Variants in SLC5A2 observed in about 807,000 individuals in gnomAD.
The protein encoded by SLC5A2 is solute carrier family 5 member 2, also known as sodium/glucose cotransporter 2.
Under a neutral mutation model 69.0 loss-of-function variants are expected in SLC5A2, and 67 were observed. The observed-to-expected ratio is 0.97, with a 90% CI of 0.80 to 1.19. The LOEUF is 1.19. SLC5A2 is among the 50% of genes most tolerant of loss of function. The pLI is 0.00. For missense variants in SLC5A2, 1,001 were observed against 921.5 expected (o/e 1.09, Z -1.12); for synonymous variants, 455 against 395.8 (o/e 1.15, Z -1.78).
At chr16:31,484,150 T>C (rs759697358) in intron 1 of SLC5A2, among the ~76,000 whole-genome samples, 3 of 151,674 alleles carry the variant, frequency 2.0e-5, no homozygotes, top group Non-Finnish European at 4.4e-5. Flanking sequence ...TTTGGGAGGC[T>C]GAGGCAGGTG....
rs573988659 is a variant in SLC5A2 at position 31,483,478 on chromosome 16, C to T, written c.126+216C>T. On this transcript the variant is annotated intron_variant, in intron 1 of 13. Coordinates refer to ENST00000330498, the MANE Select transcript of SLC5A2 (RefSeq NM_003041.4). ...GGACTGTGCTAGCTGAAGGGGTCCG[C>T]GGATTTTCATCAGGGTCGACATTCT... Among the ~76,000 whole-genome samples, 153 of 152,282 alleles carry T rather than the reference C, an allele frequency of 1.0e-3. 5 individuals are homozygous for T. Among genetic ancestry groups the T allele is most frequent in the African/African-American group, 1.2e-4 (5 of 41,558 alleles).
chr16:31,486,558 G>A (rs994430683), intron 5 of SLC5A2, among the ~76,000 whole-genome samples: 5 of 152,210 alleles, frequency 3.3e-5, no homozygotes, highest in Admixed American at 6.5e-5. Context: ...ACACCTGGGA[G>A]AGCACACCTG....
Position 31,490,564 on chromosome 16 carries a change from C to A in SLC5A2, c.*29C>A. ...CAACTGCGTTGGACACCATAAGCCA[C>A]AGCCTCACAGGAAGTGGGGGTGAGG... On this transcript the variant is annotated 3_prime_UTR_variant, in exon 14 of 14. Coordinates refer to ENST00000330498, the MANE Select transcript of SLC5A2 (RefSeq NM_003041.4). 6.4e-7 allele frequency: 1 copy of A among 1,558,408 alleles called. No individual in the cohort carries two copies. The highest frequency in any genetic ancestry group is 8.8e-7 in the Non-Finnish European group (1 of 1,138,366).
chr16:31,488,666 T>TCC lies in SLC5A2; in HGVS notation c.1175_1176dup (p.Ser393ProfsTer44). 8 of 1,612,596 alleles carry TCC rather than the reference T, an allele frequency of 5.0e-6. No homozygotes were observed. The highest frequency in any genetic ancestry group is 6.8e-6 in the Non-Finnish European group (8 of 1,179,578). ...GGCGGTCATGCTGGCCGCGCTCATG[T>TCC]CCTCGCTGGCCTCCATCTTCAACAG... is the stretch of plus-strand genomic sequence containing the variant. On this transcript the variant is annotated frameshift_variant, in exon 10 of 14. Transcript: ENST00000330498. LOFTEE classifies it high-confidence loss of function.
intron 1 of SLC5A2, among the ~76,000 whole-genome samples, chr16:31,483,709 T>C (rs531486160): frequency 1.1e-3 from 172 of 151,872 alleles, no homozygotes; most frequent in African/African-American, 4.0e-3. Context: ...CTGGCCCACA[T>C]GGTGAAACCG....
Position 31,488,032 on chromosome 16 carries a change from C to CCGTA in SLC5A2, c.886-5_886-2dup. 4.3e-6 allele frequency: 7 copies of CCGTA among 1,613,102 alleles called. No individual in the cohort carries two copies. The highest frequency in any genetic ancestry group is 5.9e-6 in the Non-Finnish European group (7 of 1,179,848). On this transcript the variant is annotated splice_polypyrimidine_tract_variant and splice_region_variant and intron_variant, in intron 7 of 13. Transcript: ENST00000330498. ...GCAAGCGGGCAGCTGAACGCCCCTC[C>CCGTA]CGTAGGTCATCGTGCAGCGCTGCCT...
rs989487514 is a variant in SLC5A2, at chr16:31,488,279, C to T, written c.1022-104C>T. On this transcript the variant is annotated intron_variant, in intron 8 of 13. Transcript: ENST00000330498. The stretch of plus-strand genomic sequence containing the variant: ...CAGTTTGGGCCCGGAGTCCCGCCTC[C>T]CTCCGGGGGTCGCACGCCTCCTCTG... 14 of 1,598,414 alleles carry T rather than the reference C, an allele frequency of 8.8e-6. No individual in the cohort carries two copies. The African/African-American group carries it at 1.1e-4, about 12-fold the overall frequency.
At chr16:31,489,552 T>C (rs899319864) in intron 12 of SLC5A2, 1 of 612,936 alleles carries the variant, frequency 1.6e-6, no homozygotes. Context: ...GGGTTGGTGA[T>C]TAAAGCCTCC....
Position 31,488,858 on chromosome 16 carries a change from G to C in SLC5A2, c.1281-22G>C, listed in dbSNP as rs749353135. The C allele has an allele frequency of 7.5e-6, 12 of 1,603,380 alleles. No homozygotes were observed. The Admixed American group carries it at 1.0e-4, about 13-fold the overall frequency. ...GCAGGGGAGCCCAGGGTCCGGGTTC[G>C]ATCCGACGGCCTCCGCCGCAGGCTC... is the stretch of plus-strand genomic sequence containing the variant. On this transcript the variant is annotated intron_variant, in intron 10 of 13. Coordinates refer to ENST00000330498, the MANE Select transcript of SLC5A2 (RefSeq NM_003041.4).
At chr16:31,486,431 G>C (rs1312236173) in intron 5 of SLC5A2, among the ~76,000 whole-genome samples, 156 bp downstream of exon 5, 1 of 152,066 alleles carries the variant, frequency 6.6e-6, no homozygotes, top group Non-Finnish European at 1.5e-5. Flanking sequence ...GAGAGCAAAG[G>C]CTTCCTCTCT....
At chr16:31,484,604 G>A (rs2082480301) in intron 1 of SLC5A2, 69 bp from the exon 2 acceptor site, 4 of 1,481,876 alleles carry the variant, frequency 2.7e-6, no homozygotes, top group Non-Finnish European at 2.8e-6. Context: ...GCTGAGGAAT[G>A]TGTTGAGGTG....
In SLC5A2 at chr16:31,488,934, G is replaced by C. The variant is rs778857640; in HGVS notation, c.1335G>C (p.Gln445His). ...VVSVAWLPVVQAAQGGQLFDY... is the reference protein window; with the variant it reads ...VVSVAWLPVVHAAQGGQLFDY... ...CGGTGGCCTGGCTTCCCGTGGTGCA[G>C]GCGGCACAGGGCGGGCAGCTCTTCG... The change falls in exon 11 of 14, where the codon CAG (glutamine) becomes CAC (histidine). Residue 445 changes from glutamine to histidine, a missense_variant. By Grantham distance (24) the Gln-to-His change is conservative. Transcript: ENST00000330498. 1.9e-6 allele frequency: 3 copies of C among 1,604,158 alleles called. No homozygotes were observed. The highest frequency in any genetic ancestry group is 2.5e-6 in the Non-Finnish European group (3 of 1,179,884).
chr16:31,486,522 G>T (rs1035707939), intron 5 of SLC5A2, among the ~76,000 whole-genome samples: 1 of 152,182 alleles, frequency 6.6e-6, no homozygotes, highest in African/African-American at 2.4e-5. Context: ...AGAAAAGGAA[G>T]ATTTAGCAGC....
rs373524026 is a variant in SLC5A2, at chr16:31,485,708, C to T, written c.304-21C>T. ...GGGATGAGGGCAAAGCCACCCTCAG[C>T]GGCAGTACTGCCCCCCGTAGGCGCT... is the stretch of plus-strand genomic sequence containing the variant. On this transcript the variant is annotated intron_variant, in intron 3 of 13. Transcript: ENST00000330498. The T allele has an allele frequency of 1.6e-5, 25 of 1,611,076 alleles. 1 individual carries two copies. The Middle Eastern group carries it at 4.9e-4, about 32-fold the overall frequency.
In SLC5A2 at chr16:31,488,945, G is replaced by C. The variant is rs768392222; in HGVS notation, c.1346G>C (p.Gly449Ala). 1 of 1,603,940 alleles carries C rather than the reference G, an allele frequency of 6.2e-7. No homozygotes were observed. The highest frequency in any genetic ancestry group is 8.5e-7 in the Non-Finnish European group (1 of 1,179,876). ...AWLPVVQAAQ[G>A]GQLFDYIQAV... is the part of the protein sequence containing the mutation. ...CTTCCCGTGGTGCAGGCGGCACAGGGCGGGCAGCTCTTCGATTACATCCAG... is the reference window on the plus strand; with the variant it reads ...CTTCCCGTGGTGCAGGCGGCACAGGCCGGGCAGCTCTTCGATTACATCCAG... The change falls in exon 11 of 14, where the codon GGC becomes GCC. Residue 449 changes from glycine to alanine, a missense_variant. Transcript: ENST00000330498.
At chr16:31,489,082 G>C (rs1203048423) in intron 11 of SLC5A2, 34 bp downstream of exon 11, 5 of 1,603,500 alleles carry the variant, frequency 3.1e-6, no homozygotes, top group South Asian at 2.2e-5. Context: ...GGCAGGGCTG[G>C]GCTTGCACAT....
rs2082485782 is a variant in SLC5A2, at chr16:31,485,161, C to A, written c.303+238C>A. The A allele has an allele frequency of 2.4e-5, 15 of 615,072 alleles. No homozygotes were observed. The South Asian group carries it at 2.6e-4, about 11-fold the overall frequency. The allele number at this position is 615,072 out of a possible 1,614,324, so 38.1% of individuals were successfully genotyped here. A position where few individuals can be genotyped will look rare whatever the true frequency, so the allele number is the denominator to read the frequency against. On this transcript the variant is annotated intron_variant, in intron 3 of 13. Transcript: ENST00000330498. The stretch of plus-strand genomic sequence containing the variant: ...GTGAGCCAGCCTGCACCAGCCACTG[C>A]CTCTGGGAGCTTCCATTTATTCCTC...
intron 5 of SLC5A2, 147 bp from the exon 6 acceptor site, chr16:31,487,173 G>C (rs970429851): frequency 2.4e-6 from 2 of 819,930 alleles, no homozygotes; most frequent in African/African-American, 3.4e-5. Flanking sequence ...TGGTGCCTGC[G>C]TGCATGAGCC....
chr16:31,484,780 G>A (rs533867632), intron 2 of SLC5A2, 36 bp downstream of exon 2: 1 of 1,611,402 alleles, frequency 6.2e-7, no homozygotes. Flanking sequence ...GAGGGGCCTG[G>A]AGAAGCAGCC....
Sources: gnomAD v4.1 joint callset for allele counts (sites outside exome capture counted in the v4.1 genomes callset) on GRCh38, gnomAD v4.1.1 for gene constraint, MANE v1.5 for transcripts, NCBI Gene and HGNC (gene_info 2026-07-23, HGNC 2026-07-21) for gene names.